UVRAG: variants seen among roughly 807,000 people sequenced by gnomAD.
UVRAG encodes UV radiation resistance associated.
Under a neutral mutation model 78.0 loss-of-function variants are expected in UVRAG, and 19 were observed. The observed-to-expected ratio is 0.24, with a 90% CI of 0.17 to 0.36. The LOEUF is 0.36. UVRAG is among the 10% of genes least tolerant of loss of function. The pLI, the probability that UVRAG is intolerant of heterozygous loss-of-function variation, is 1.00. For synonymous variants in UVRAG, 323 were observed against 324.6 expected (o/e 1.00, Z 0.05); for missense variants, 740 against 853.8 (o/e 0.87, Z 1.66).
At position 75,821,560 on chromosome 11, in the gene UVRAG, T is replaced by C. The variant is rs1945389621; in HGVS notation, c.117+6036T>C. 1.3e-5 allele frequency among the ~76,000 whole-genome samples: 2 copies of C among 152,304 alleles called. 1 individual carries two copies. Among genetic ancestry groups the C allele is most frequent in the South Asian group, 4.1e-4 (2 of 4,828 alleles). On this transcript the variant is annotated intron_variant, in intron 1 of 14. Coordinates refer to ENST00000356136, the MANE Select transcript of UVRAG (RefSeq NM_003369.4). ...TGAGTCTCACTCTGGTCTCAAACTC[T>C]TGGGCTCAAGAGATCCTCCTGCCTT...
At chr11:75,919,048 T>C (rs1036214323) in intron 6 of UVRAG, among the ~76,000 whole-genome samples, 13 of 152,296 alleles carry the variant, frequency 8.5e-5, no homozygotes, top group African/African-American at 3.1e-4. Context: ...CCCCGCACTT[T>C]GCTAGAAAGT....
intron 11 of UVRAG, 55 bp downstream of exon 11, chr11:76,008,922 T>A: frequency 9.7e-7 from 1 of 1,033,216 alleles, no homozygotes; most frequent in South Asian, 1.7e-5. Flanking sequence ...GGAAATAGAA[T>A]ATCTTGAAAT....
At chr11:76,037,539 C>CAAA (rs61354759) in intron 12 of UVRAG, among the ~76,000 whole-genome samples, 18 of 48,488 alleles carry the variant, frequency 3.7e-4, no homozygotes, top group South Asian at 8.9e-4. Context: ...TTTGTCTTTA[C>CAAA]AAAAAAAAAA....
intron 13 of UVRAG, among the ~76,000 whole-genome samples, chr11:76,094,084 T>C (rs1321058560): frequency 6.6e-6 from 1 of 152,236 alleles, no homozygotes; most frequent in Non-Finnish European, 1.5e-5. Flanking sequence ...GTTGAATTTG[T>C]CAAAGGCCTT....
intron 6 of UVRAG, among the ~76,000 whole-genome samples, chr11:75,947,224 A>G (rs1948603068): frequency 6.6e-6 from 1 of 152,156 alleles, no homozygotes; most frequent in Non-Finnish European, 1.5e-5. Context: ...GCACCCAGCT[A>G]ATCTCCCTTT....
chr11:75,844,889 C>T (rs1173828533), intron 1 of UVRAG, among the ~76,000 whole-genome samples: 3 of 152,070 alleles, frequency 2.0e-5, no homozygotes, highest in African/African-American at 7.2e-5. Context: ...GGTCTTAAAA[C>T]TCCTGGGCTC....
chr11:75,867,648 G>A (rs1414002793), intron 3 of UVRAG, among the ~76,000 whole-genome samples: 1 of 152,176 alleles, frequency 6.6e-6, no homozygotes, highest in East Asian at 1.9e-4. Flanking sequence ...ATACATCTAG[G>A]AGTGGAATTG....
Position 76,005,874 on chromosome 11 carries a change from A to AGG in UVRAG, c.912-1659_912-1658dup, listed in dbSNP as rs533736369. ...AAAAGATACCGATGAGCAAGATGGA[A>AGG]GGCATGCATAGGGCAAGGTATGGGG... On this transcript the variant is annotated intron_variant, in intron 9 of 14. Coordinates refer to ENST00000356136, the MANE Select transcript of UVRAG (RefSeq NM_003369.4). Among the ~76,000 whole-genome samples the AGG allele has an allele frequency of 2.6e-5, 4 of 152,358 alleles. No homozygotes were observed. The East Asian group carries it at 7.7e-4, about 29-fold the overall frequency.
chr11:75,901,059 G>A (rs114303632), intron 5 of UVRAG, among the ~76,000 whole-genome samples: 1 of 152,218 alleles, frequency 6.6e-6, no homozygotes, highest in African/African-American at 2.4e-5. Flanking sequence ...GCTTGATGAT[G>A]CTTAACAGAG....
intron 14 of UVRAG, among the ~76,000 whole-genome samples, 173 bp from the exon 15 acceptor site, chr11:76,140,538 A>G (rs182063594): frequency 7.2e-5 from 11 of 152,272 alleles, no homozygotes; most frequent in Admixed American, 2.0e-4. Flanking sequence ...TTGGACCCAC[A>G]TACCTCATGT....
chr11:75,986,873 G>T (rs550192819), intron 8 of UVRAG, among the ~76,000 whole-genome samples: 5 of 151,006 alleles, frequency 3.3e-5, no homozygotes, highest in African/African-American at 1.2e-4. Context: ...GGTCTTTTAT[G>T]ACCAACTTCA....
intron 2 of UVRAG, among the ~76,000 whole-genome samples, chr11:75,852,563 G>A (rs996014439): frequency 6.6e-6 from 1 of 152,096 alleles, no homozygotes; most frequent in East Asian, 1.9e-4. Flanking sequence ...GACATAATCC[G>A]TTGGCTTAGG....
chr11:76,028,641 G>A (rs975711650), intron 12 of UVRAG, among the ~76,000 whole-genome samples: 42 of 152,230 alleles, frequency 2.8e-4, no homozygotes, highest in African/African-American at 9.6e-4. Context: ...CAAACCAGCC[G>A]CAACATTCCC....
chr11:76,112,118 A>G, intron 13 of UVRAG, among the ~76,000 whole-genome samples: 1 of 152,140 alleles, frequency 6.6e-6, no homozygotes, highest in Non-Finnish European at 1.5e-5. Flanking sequence ...TGATGAATGA[A>G]AGACCGAAAT....
chr11:76,051,412 C>T (rs995293522), intron 12 of UVRAG, among the ~76,000 whole-genome samples: 6 of 151,996 alleles, frequency 3.9e-5, no homozygotes, highest in African/African-American at 1.4e-4. Flanking sequence ...GACATGGTTT[C>T]CATCCTTTAA....
In UVRAG at chr11:75,828,838, G is replaced by T. The variant is rs544243993; in HGVS notation, c.117+13314G>T. On this transcript the variant is annotated intron_variant, in intron 1 of 14. Coordinates refer to ENST00000356136, the MANE Select transcript of UVRAG (RefSeq NM_003369.4). ...TTTTTTGTAGAGACAGGGTTTTGCT[G>T]CTGGGACTACAGGTGCGCATGGTGC... Among the ~76,000 whole-genome samples the T allele has an allele frequency of 1.2e-4, 15 of 125,194 alleles. No individual in the cohort carries two copies. In the South Asian group the frequency reaches 3.4e-3, roughly 28 times the overall value. The allele number at this position is 125,194 out of a possible 152,430, so 82.1% of individuals were successfully genotyped here.
intron 13 of UVRAG, among the ~76,000 whole-genome samples, chr11:76,071,223 A>G (rs1216933148): frequency 6.6e-6 from 1 of 152,216 alleles, no homozygotes; most frequent in East Asian, 1.9e-4. Flanking sequence ...TAAATTGTCA[A>G]ATAACCCTTA....
chr11:76,036,919 T>C (rs1477574759), intron 12 of UVRAG, among the ~76,000 whole-genome samples: 1 of 152,146 alleles, frequency 6.6e-6, no homozygotes, highest in Admixed American at 6.5e-5. Flanking sequence ...TAGGAGCTGC[T>C]TCCAGAGTAT....
intron 3 of UVRAG, among the ~76,000 whole-genome samples, chr11:75,876,153 T>C (rs1459010012): frequency 6.6e-6 from 1 of 152,252 alleles, no homozygotes; most frequent in Non-Finnish European, 1.5e-5. Context: ...TCTTTGATGT[T>C]AATGGTGATT....
Sources: gnomAD v4.1 joint callset for allele counts (sites outside exome capture counted in the v4.1 genomes callset) on GRCh38, gnomAD v4.1.1 for gene constraint, MANE v1.5 for transcripts, NCBI Gene and HGNC (gene_info 2026-07-23, HGNC 2026-07-21) for gene names.